The following PACRGL variants were observed in gnomAD, a reference collection of about 807,000 sequenced individuals.
PACRGL encodes the protein PACRG-like protein.
Under a neutral mutation model 34.5 loss-of-function variants are expected in PACRGL, and 38 were observed. The observed-to-expected ratio is 1.10, with a 90% CI of 0.85 to 1.44. The LOEUF is 1.44. Ranked by LOEUF, PACRGL falls within the 40% of genes most tolerant of loss-of-function variation. The pLI, the probability that PACRGL is intolerant of heterozygous loss-of-function variation, is 0.00. For synonymous variants in PACRGL, 128 were observed against 100.1 expected, an observed-to-expected ratio of 1.28 and a Z score of -1.66; for missense variants, 305 against 281.4, an observed-to-expected ratio of 1.08 and a Z score of -0.60.
At chr4:20,737,946 A>G (rs1414736205) in intron 8 of PACRGL, among the ~76,000 whole-genome samples, 1 of 152,142 alleles carries the variant, frequency 6.6e-6, no homozygotes, top group Admixed American at 6.6e-5. Flanking sequence ...AGCCTGAGCA[A>G]CGCAGCCAGA....
At chr4:20,697,307 G>A (rs1318597282), upstream of PACRGL, among the ~76,000 whole-genome samples, 1 of 152,152 alleles carries the variant, frequency 6.6e-6, no homozygotes, top group African/African-American at 2.4e-5. Flanking sequence ...CAAAAAGGCA[G>A]AGATTTTCTT....
chr4:20,704,663 A>C lies in PACRGL; in HGVS notation c.56A>C (p.Asn19Thr). ...TTGATGTTCTGTTTTTTTCCAGGTA[A>C]CTATGATCAAAGGACATCATCAAGC... is the stretch of plus-strand genomic sequence containing the variant. ...GTQLKNRATG[N>T]YDQRTSSSTQ... is the part of the protein sequence containing the mutation. The change falls in exon 3 of 9, where the codon AAC (asparagine) becomes ACC (threonine). Residue 19 changes from asparagine (N) to threonine (T), a missense_variant. By Grantham distance (65) the Asn-to-Thr change is moderately conservative (BLOSUM62 0). Coordinates refer to ENST00000503585, the MANE Select transcript of PACRGL (RefSeq NM_001258345.3). 1 of 1,614,030 alleles carries C rather than the reference A, an allele frequency of 6.2e-7. No homozygotes were observed. The highest frequency in any genetic ancestry group is 8.5e-7 in the Non-Finnish European group (1 of 1,179,966).
At chr4:20,765,456 G>A in the PACRGL span, among the ~76,000 whole-genome samples, 1 of 152,144 alleles carries the variant, frequency 6.6e-6, no homozygotes, top group African/African-American at 2.4e-5. Flanking sequence ...AATTTATTGT[G>A]CATTGTAGCT....
chr4:20,727,610 CAAGAT>C lies in PACRGL; in HGVS notation c.*275_*279del. ...GTGCGAAGAACCATTATTGAGTTTG[CAAGAT>C]AAGATGTATTTGTATTTTCTAGTGT... On this transcript the variant is annotated 3_prime_UTR_variant, in exon 9 of 9. Transcript: ENST00000503585. 3.1e-6 allele frequency: 1 copy of C among 317,902 alleles called. No homozygotes were observed. Among genetic ancestry groups the C allele is most frequent in the East Asian group, 5.2e-5 (1 of 19,082 alleles). 19.7% of individuals were successfully genotyped at this position (317,902 alleles called of 1,614,324 possible).
downstream of PACRGL, among the ~76,000 whole-genome samples, chr4:20,755,494 T>G (rs897677323): frequency 1.3e-5 from 2 of 152,196 alleles, no homozygotes; most frequent in African/African-American, 4.8e-5. Flanking sequence ...GTGCTATTAC[T>G]TGTCAGCCAC....
At chr4:20,701,150 G>T (rs1731993688) in intron 1 of PACRGL, among the ~76,000 whole-genome samples, 1 of 152,196 alleles carries the variant, frequency 6.6e-6, no homozygotes, top group South Asian at 2.1e-4. Flanking sequence ...AGAAAGCAGG[G>T]CTCTGCTGAC....
intron 7 of PACRGL, among the ~76,000 whole-genome samples, chr4:20,720,729 C>A (rs1012502166): frequency 6.6e-6 from 1 of 152,122 alleles, no homozygotes; most frequent in African/African-American, 2.4e-5. Flanking sequence ...TGTGGGTAAC[C>A]CAGCCTTTCC....
At chr4:20,713,697 T>G (rs1456552624) in intron 7 of PACRGL, among the ~76,000 whole-genome samples, 158 bp downstream of exon 7, 1 of 152,212 alleles carries the variant, frequency 6.6e-6, no homozygotes, top group Admixed American at 6.5e-5. Flanking sequence ...GTATGTTGTG[T>G]CTTTGTTCTC....
upstream of PACRGL, among the ~76,000 whole-genome samples, chr4:20,697,444 G>A (rs1440876579): frequency 1.3e-5 from 2 of 152,060 alleles, no homozygotes; most frequent in South Asian, 4.1e-4. Flanking sequence ...GTCCTGAGTG[G>A]TTTACTTTGG....
At chr4:20,762,786 TTG>T in the PACRGL span, among the ~76,000 whole-genome samples, 27 of 152,274 alleles carry the variant, frequency 1.8e-4, no homozygotes, top group Non-Finnish European at 1.2e-4. Context: ...CACTCAGCAG[TTG>T]TGTTAGTTCA....
At chr4:20,760,417 A>G in the PACRGL span, among the ~76,000 whole-genome samples, 1 of 152,248 alleles carries the variant, frequency 6.6e-6, no homozygotes, top group South Asian at 2.1e-4. Flanking sequence ...CCTTAAAATC[A>G]TTGTTCCCTC....
At chr4:20,739,716 T>A (rs770339758) in intron 8 of PACRGL, among the ~76,000 whole-genome samples, 1 of 152,074 alleles carries the variant, frequency 6.6e-6, no homozygotes, top group African/African-American at 2.4e-5. Flanking sequence ...TCGCCAGCAA[T>A]GGAACAAAGC....
At chr4:20,741,250 C>A (rs1286640509) in intron 8 of PACRGL, among the ~76,000 whole-genome samples, 1 of 152,194 alleles carries the variant, frequency 6.6e-6, no homozygotes, top group Non-Finnish European at 1.5e-5. Context: ...CTCTCCACCC[C>A]AAATCAACAG....
the PACRGL span, among the ~76,000 whole-genome samples, chr4:20,758,512 T>C: frequency 6.6e-6 from 1 of 152,182 alleles, no homozygotes; most frequent in South Asian, 2.1e-4. Context: ...CTACAATGCA[T>C]GTGAATGAGC....
intron 8 of PACRGL, among the ~76,000 whole-genome samples, chr4:20,741,220 C>A (rs1751003019): frequency 6.6e-6 from 1 of 152,118 alleles, no homozygotes; most frequent in African/African-American, 2.4e-5. Context: ...AGCAAGCGGA[C>A]CTAATAGACA....
At chr4:20,698,932 G>T (rs939144033), upstream of PACRGL, among the ~76,000 whole-genome samples, 8 of 152,148 alleles carry the variant, frequency 5.3e-5, no homozygotes, top group Non-Finnish European at 8.8e-5. Context: ...ACCCAATAAT[G>T]AAGAGGAAAT....
At chr4:20,715,456 A>G (rs1739463061) in intron 7 of PACRGL, among the ~76,000 whole-genome samples, 3 of 152,080 alleles carry the variant, frequency 2.0e-5, no homozygotes, top group Non-Finnish European at 4.4e-5. Flanking sequence ...AACCTTAAAA[A>G]TCTCATCATC....
intron 3 of PACRGL, among the ~76,000 whole-genome samples, chr4:20,706,217 T>A (rs946594560): frequency 6.6e-6 from 1 of 152,068 alleles, no homozygotes; most frequent in African/African-American, 2.4e-5. Context: ...ACCATGATTA[T>A]CTCTAGAATA....
chr4:20,713,162 G>A (rs899659474), intron 6 of PACRGL: 2 of 541,528 alleles, frequency 3.7e-6, no homozygotes, highest in Admixed American at 7.2e-5. Flanking sequence ...AGTAATTAGA[G>A]GAAGTAATGA....
Sources: allele counts gnomAD v4.1 joint callset (sites outside exome capture counted in the v4.1 genomes callset), GRCh38; gene constraint gnomAD v4.1.1; transcripts MANE v1.5; gene names NCBI Gene and HGNC (gene_info 2026-07-23, HGNC 2026-07-21).